The following ARHGAP6 variants were observed in gnomAD, a reference collection of about 807,000 sequenced individuals.
ARHGAP6 encodes rho GTPase-activating protein 6.
A neutral mutation model predicts 55.7 loss-of-function variants in ARHGAP6; 16 were observed. The observed-to-expected ratio is 0.29, with a 90% CI of 0.19 to 0.44. ARHGAP6 has a LOEUF of 0.44. ARHGAP6 is among the 20% of genes least tolerant of loss of function. The pLI, the probability that ARHGAP6 is intolerant of heterozygous loss-of-function variation, is 1.00. For synonymous variants in ARHGAP6, 382 were observed against 360.9 expected (o/e 1.06, Z -0.66); for missense variants, 698 against 808.9 (o/e 0.86, Z 1.66).
intron 1 of ARHGAP6, among the ~76,000 whole-genome samples, chrX:11,449,566 C>T (rs1033583762): frequency 2.7e-5 from 3 of 112,418 alleles, no homozygotes; most frequent in African/African-American, 9.7e-5. Context: ...CTTTGGGCTA[C>T]GCTGCCCCTG....
chrX:11,482,584 G>A (rs538026756), intron 1 of ARHGAP6, among the ~76,000 whole-genome samples: 3 of 111,516 alleles, frequency 2.7e-5, no homozygotes, highest in Middle Eastern at 9.3e-3. Flanking sequence ...CACCCACACC[G>A]TGGCTCTGGG....
chrX:11,575,282 C>T (rs1203453511), intron 1 of ARHGAP6, among the ~76,000 whole-genome samples: 1 of 111,950 alleles, frequency 8.9e-6, no homozygotes, highest in Non-Finnish European at 1.9e-5. Context: ...ACATGGTAGC[C>T]TGCCCTCCAA....
intron 1 of ARHGAP6, among the ~76,000 whole-genome samples, chrX:11,521,515 G>A (rs12011322): frequency 0.11 from 12,201 of 111,218 alleles, 869 homozygotes; most frequent in African/African-American, 0.25. Flanking sequence ...CCATTGGTCT[G>A]TATCTCTGTT....
intron 1 of ARHGAP6, among the ~76,000 whole-genome samples, chrX:11,541,637 A>C (rs2051158684): frequency 8.9e-6 from 1 of 112,020 alleles, no homozygotes; most frequent in African/African-American, 3.2e-5. Flanking sequence ...AACCATTCAG[A>C]GGTCTTCCCC....
intron 1 of ARHGAP6, among the ~76,000 whole-genome samples, chrX:11,487,417 T>G (rs1337204099): frequency 8.9e-6 from 1 of 111,819 alleles, no homozygotes; most frequent in Non-Finnish European, 1.9e-5. Flanking sequence ...AAGGAAGTAT[T>G]CAAAGAATGA....
chrX:11,412,060 ATATCTCTCCTTTAAGAAAATCC>A (rs1282676630), intron 1 of ARHGAP6, among the ~76,000 whole-genome samples: 1 of 111,775 alleles, frequency 8.9e-6, no homozygotes, highest in Admixed American at 9.6e-5. Flanking sequence ...TATCAAAAAT[ATATCTCTCCTTTAAGAAAATCC>A]TATCTCTACC....
chrX:11,549,933 G>A (rs780996507), intron 1 of ARHGAP6, among the ~76,000 whole-genome samples: 7 of 112,284 alleles, frequency 6.2e-5, no homozygotes, highest in African/African-American at 2.3e-4. Flanking sequence ...ACACCAAGAG[G>A]ATAATCCCCT....
At chrX:11,436,520 A>T in intron 1 of ARHGAP6, among the ~76,000 whole-genome samples, 1 of 112,547 alleles carries the variant, frequency 8.9e-6, no homozygotes, top group Admixed American at 9.4e-5. Flanking sequence ...TATCTGACTT[A>T]GCAATTCTAC....
intron 1 of ARHGAP6, among the ~76,000 whole-genome samples, chrX:11,517,468 C>T (rs2050854059): frequency 8.9e-6 from 1 of 111,745 alleles, no homozygotes. Context: ...CTTATCTTCT[C>T]GTGCACACTG....
At chrX:11,461,905 G>C (rs980856280) in intron 1 of ARHGAP6, among the ~76,000 whole-genome samples, 17 of 111,749 alleles carry the variant, frequency 1.5e-4, no homozygotes, top group Non-Finnish European at 2.8e-4. Flanking sequence ...AGACTGGCCA[G>C]AAAGAACACC....
chrX:11,300,979 T>G (rs1449970133), intron 1 of ARHGAP6, among the ~76,000 whole-genome samples: 1 of 111,995 alleles, frequency 8.9e-6, no homozygotes, highest in African/African-American at 3.2e-5. Context: ...GTTAAAACAG[T>G]TGATAAAATG....
At chrX:11,495,372 C>T (rs1005006630) in intron 1 of ARHGAP6, among the ~76,000 whole-genome samples, 1 of 111,971 alleles carries the variant, frequency 8.9e-6, no homozygotes, top group African/African-American at 3.2e-5. Context: ...ACACACAACC[C>T]AATCCTGATA....
chrX:11,567,566 A>AAAAAAAAAAAAATATATATATATAT (rs1440758737), intron 1 of ARHGAP6, among the ~76,000 whole-genome samples: 2 of 84,401 alleles, frequency 2.4e-5, no homozygotes, highest in African/African-American at 9.5e-5. Context: ...AAAAAAAAAA[A>AAAAAAAAAAAAATATATATATATAT]ATATATATAT....
intron 1 of ARHGAP6, among the ~76,000 whole-genome samples, chrX:11,313,799 T>C (rs190750602): frequency 4.5e-5 from 5 of 112,174 alleles, no homozygotes; most frequent in African/African-American, 9.7e-5. Flanking sequence ...TGATAAATGA[T>C]TGAAGGAAGA....
chrX:11,578,508 A>G (rs1033409822), intron 1 of ARHGAP6, among the ~76,000 whole-genome samples: 1 of 112,083 alleles, frequency 8.9e-6, no homozygotes, highest in Non-Finnish European at 1.9e-5. Context: ...TAGAATGGCT[A>G]TCATTAAAAA....
At chrX:11,586,853 C>T (rs767177666) in intron 1 of ARHGAP6, among the ~76,000 whole-genome samples, 2 of 111,789 alleles carry the variant, frequency 1.8e-5, no homozygotes, top group South Asian at 7.5e-4. Context: ...TCTTGGATCA[C>T]TGGTTTATAG....
chrX:11,533,291 G>C (rs1184269684), intron 1 of ARHGAP6, among the ~76,000 whole-genome samples: 2 of 110,962 alleles, frequency 1.8e-5, no homozygotes, highest in Admixed American at 9.6e-5. Flanking sequence ...CTATTTTGTA[G>C]TATGTTGTGT....
intron 1 of ARHGAP6, among the ~76,000 whole-genome samples, chrX:11,358,330 T>C (rs933245145): frequency 1.8e-5 from 2 of 112,075 alleles, no homozygotes; most frequent in African/African-American, 6.5e-5. Flanking sequence ...CTCTGAACAT[T>C]CATGTACATG....
At position 11,514,993 on chromosome X, in the gene ARHGAP6, G is replaced by T. The variant is rs181956739; in HGVS notation, c.588+149248C>A. Among the ~76,000 whole-genome samples, 15 of 111,223 alleles carry T rather than the reference G, an allele frequency of 1.3e-4. No homozygotes were observed. In the East Asian group the frequency reaches 4.0e-3, roughly 29 times the overall value. On this transcript the variant is annotated intron_variant, in intron 1 of 12. Coordinates refer to ENST00000337414, the MANE Select transcript of ARHGAP6 (RefSeq NM_013427.3). ...TCTCATAGCCATATGGTCTAATACG[G>T]GATGAAAAATGGGTTCCATCTCACA... is the stretch of plus-strand genomic sequence containing the variant.
Sources: allele counts gnomAD v4.1 joint callset (sites outside exome capture counted in the v4.1 genomes callset), GRCh38; gene constraint gnomAD v4.1.1; transcripts MANE v1.5; gene names NCBI Gene and HGNC (gene_info 2026-07-23, HGNC 2026-07-21).